STXBP4: variants seen among roughly 807,000 people sequenced by gnomAD.
STXBP4 encodes the protein syntaxin binding protein 4, also known as syntaxin-binding protein 4.
In STXBP4, 55 loss-of-function variants were observed where a neutral mutation model predicts 76.1. The ratio of observed to expected loss-of-function variants is 0.72; its 90% CI spans 0.58 to 0.91. STXBP4 has a LOEUF of 0.91. STXBP4 is among the 40% of genes least tolerant of loss of function. The pLI, the probability that STXBP4 is intolerant of heterozygous loss-of-function variation, is 0.00. For synonymous variants in STXBP4, 201 were observed against 220.2 expected, an observed-to-expected ratio of 0.91 and a Z score of 0.77; for missense variants, 618 against 636.9, an observed-to-expected ratio of 0.97 and a Z score of 0.32.
intron 16 of STXBP4, among the ~76,000 whole-genome samples, chr17:55,121,425 T>C (rs1321468547): frequency 1.3e-5 from 2 of 152,106 alleles, no homozygotes; most frequent in African/African-American, 4.8e-5. Flanking sequence ...AGATGCAAGA[T>C]TGAAACATCT....
At chr17:55,060,848 A>G (rs2078986499) in intron 12 of STXBP4, among the ~76,000 whole-genome samples, 1 of 152,172 alleles carries the variant, frequency 6.6e-6, no homozygotes, top group Admixed American at 6.6e-5. Context: ...TCTAAAGCCT[A>G]CTCTCACACT....
chr17:55,193,491 AAGG>A, the STXBP4 span, among the ~76,000 whole-genome samples: 3 of 152,100 alleles, frequency 2.0e-5, no homozygotes, highest in Admixed American at 1.3e-4. Context: ...TATGAAAACA[AAGG>A]AGAAGCTTGG....
At chr17:55,196,550 G>A in the STXBP4 span, among the ~76,000 whole-genome samples, 7 of 152,210 alleles carry the variant, frequency 4.6e-5, 1 homozygote, top group African/African-American at 1.4e-4. Flanking sequence ...AATTGATCAC[G>A]TATTCTTCTG....
At chr17:55,048,100 A>G (rs2078814064) in intron 12 of STXBP4, among the ~76,000 whole-genome samples, 2 of 151,916 alleles carry the variant, frequency 1.3e-5, no homozygotes, top group Admixed American at 6.6e-5. Flanking sequence ...AGCTACAAAA[A>G]AAGAGACTTC....
chr17:55,148,664 G>A (rs963483659), intron 17 of STXBP4, among the ~76,000 whole-genome samples: 6 of 152,004 alleles, frequency 3.9e-5, no homozygotes, highest in South Asian at 4.2e-4. Flanking sequence ...TCAGCTTCCC[G>A]AGTAGCTGGG....
intron 17 of STXBP4, among the ~76,000 whole-genome samples, chr17:55,153,057 C>G (rs1317788610): frequency 1.3e-5 from 2 of 152,072 alleles, no homozygotes; most frequent in African/African-American, 4.8e-5. Flanking sequence ...GGGTCTAGAT[C>G]CCGGCTCTAA....
intron 16 of STXBP4, among the ~76,000 whole-genome samples, chr17:55,125,216 A>G (rs140640618): frequency 6.6e-6 from 1 of 152,316 alleles, no homozygotes; most frequent in African/African-American, 2.4e-5. Flanking sequence ...TTCATTCAGC[A>G]TTATTGCAGA....
At chr17:54,986,375 A>G (rs2077627106) in intron 3 of STXBP4, 109 bp downstream of exon 3, 2 of 757,390 alleles carry the variant, frequency 2.6e-6, no homozygotes, top group Non-Finnish European at 2.2e-6. Context: ...GTGGTCTAGG[A>G]TAGCAGCAAT....
chr17:55,066,435 G>T (rs2079052470), intron 12 of STXBP4, among the ~76,000 whole-genome samples: 1 of 152,074 alleles, frequency 6.6e-6, no homozygotes, highest in African/African-American at 2.4e-5. Context: ...TATTAGCTAT[G>T]CTGATCTCAA....
the STXBP4 span, among the ~76,000 whole-genome samples, chr17:55,199,981 G>A: frequency 6.6e-6 from 1 of 152,156 alleles, no homozygotes; most frequent in African/African-American, 2.4e-5. Context: ...CATTTCTTTT[G>A]ATAGTCCTTC....
intron 16 of STXBP4, among the ~76,000 whole-genome samples, chr17:55,139,151 A>G (rs558189790): frequency 6.6e-6 from 1 of 152,246 alleles, no homozygotes; most frequent in East Asian, 1.9e-4. Flanking sequence ...TAAGTCTGTT[A>G]TAAAGTTATA....
intron 8 of STXBP4, among the ~76,000 whole-genome samples, chr17:55,019,608 TA>T (rs1424831613): frequency 1.1e-4 from 16 of 152,228 alleles, no homozygotes; most frequent in Admixed American, 6.5e-5. Flanking sequence ...TACCTGTGTT[TA>T]CCATATTCTT....
intron 16 of STXBP4, among the ~76,000 whole-genome samples, chr17:55,133,540 G>T (rs1030985206): frequency 6.6e-6 from 1 of 152,122 alleles, no homozygotes; most frequent in Non-Finnish European, 1.5e-5. Flanking sequence ...ATGAGTGTAC[G>T]CAGGAAAAGA....
intron 7 of STXBP4, among the ~76,000 whole-genome samples, chr17:55,005,293 T>C (rs2077987484): frequency 6.6e-6 from 1 of 152,206 alleles, no homozygotes; most frequent in South Asian, 2.1e-4. Flanking sequence ...AACATTGGTC[T>C]GGAGTCACAA....
chr17:54,997,843 C>G (rs1376293260), intron 4 of STXBP4, among the ~76,000 whole-genome samples: 5 of 150,318 alleles, frequency 3.3e-5, no homozygotes, highest in Non-Finnish European at 7.4e-5. Context: ...CTGCCTCAGC[C>G]TCTCAAAGTG....
intron 8 of STXBP4, among the ~76,000 whole-genome samples, chr17:55,025,335 A>T (rs1267302184): frequency 2.0e-5 from 3 of 152,164 alleles, no homozygotes; most frequent in African/African-American, 7.2e-5. Flanking sequence ...AGAAAAACTA[A>T]ACAGACTATA....
chr17:55,101,796 A>G (rs1421877764), intron 16 of STXBP4, among the ~76,000 whole-genome samples: 1 of 152,122 alleles, frequency 6.6e-6, no homozygotes, highest in Non-Finnish European at 1.5e-5. Flanking sequence ...TGATTACTTC[A>G]TAGTTCTCTT....
intron 12 of STXBP4, among the ~76,000 whole-genome samples, chr17:55,064,769 G>A (rs763502951): frequency 6.6e-6 from 1 of 152,118 alleles, no homozygotes; most frequent in Non-Finnish European, 1.5e-5. Flanking sequence ...CTCCCAAAGT[G>A]CCGGGATTAC....
chr17:55,096,293 C>G (rs1201045697), intron 16 of STXBP4, among the ~76,000 whole-genome samples: 2 of 152,110 alleles, frequency 1.3e-5, no homozygotes, highest in Non-Finnish European at 1.5e-5. Context: ...GTAGCTGGAA[C>G]TGCAGGCACA....
Sources: allele counts gnomAD v4.1 joint callset (sites outside exome capture counted in the v4.1 genomes callset), GRCh38; gene constraint gnomAD v4.1.1; transcripts MANE v1.5; gene names NCBI Gene and HGNC (gene_info 2026-07-23, HGNC 2026-07-21).